The following HNF4A variants were observed in gnomAD, a reference collection of about 807,000 sequenced individuals.
HNF4A encodes the protein hepatocyte nuclear factor 4-alpha.
HNF4A carries 15 observed loss-of-function variants against 52.4 expected under a neutral mutation model. The observed-to-expected ratio is 0.29, with a 90% CI of 0.19 to 0.44. HNF4A has a LOEUF of 0.44. Among genes scored for constraint, HNF4A ranks in the 20% least tolerant of loss-of-function variants. HNF4A has a pLI of 1.00. For synonymous variants in HNF4A, 280 were observed against 264.4 expected (o/e 1.06, Z -0.57); for missense variants, 479 against 647.2 (o/e 0.74, Z 2.82).
intron 3 of HNF4A, among the ~76,000 whole-genome samples, chr20:44,408,838 GTT>G (rs1187544092): frequency 1.3e-5 from 2 of 152,170 alleles, no homozygotes; most frequent in East Asian, 3.9e-4. Flanking sequence ...CTAGCCCACA[GTT>G]GTGCCGTACC....
At chr20:44,390,324 C>T in intron 1 of HNF4A, 2 of 367,130 alleles carry the variant, frequency 5.4e-6, no homozygotes, top group Non-Finnish European at 9.9e-6. Context: ...TCCAAGCCCT[C>T]CAGAGAGACA....
chr20:44,381,183 A>G (rs2063148564), intron 1 of HNF4A, among the ~76,000 whole-genome samples: 1 of 151,816 alleles, frequency 6.6e-6, no homozygotes, highest in African/African-American at 2.4e-5. Context: ...ATTGTATTTT[A>G]TAGAAAGATC....
chr20:44,401,794 C>T (rs1386050715), intron 1 of HNF4A, among the ~76,000 whole-genome samples: 1 of 152,310 alleles, frequency 6.6e-6, no homozygotes, highest in Middle Eastern at 3.4e-3. Flanking sequence ...GGCACAGTGA[C>T]GTGATGGTGA....
At chr20:44,384,095 C>T (rs1023931632) in intron 1 of HNF4A, among the ~76,000 whole-genome samples, 44 of 151,258 alleles carry the variant, frequency 2.9e-4, no homozygotes, top group African/African-American at 1.1e-3. Flanking sequence ...AGGTGATCTT[C>T]CCACCTCGGC....
At chr20:44,378,859 C>T (rs569844110) in intron 1 of HNF4A, among the ~76,000 whole-genome samples, 4 of 149,682 alleles carry the variant, frequency 2.7e-5, no homozygotes, top group African/African-American at 9.8e-5. Context: ...GTGGAGGTTG[C>T]AGTGAGCCGA....
chr20:44,409,095 G>A (rs1484299780), intron 3 of HNF4A, among the ~76,000 whole-genome samples: 2 of 152,078 alleles, frequency 1.3e-5, no homozygotes, highest in African/African-American at 4.8e-5. Context: ...CTGGGCTCAT[G>A]AGCTGTCTTG....
chr20:44,398,057 CT>C (rs1290652127), upstream of HNF4A, among the ~76,000 whole-genome samples: 2 of 152,164 alleles, frequency 1.3e-5, no homozygotes, highest in East Asian at 3.9e-4. Context: ...GAGTTTTTGT[CT>C]GTTATGTGTT....
chr20:44,421,693 G>A (rs1183327926), intron 7 of HNF4A, among the ~76,000 whole-genome samples: 2 of 151,280 alleles, frequency 1.3e-5, no homozygotes, highest in Non-Finnish European at 2.9e-5. Flanking sequence ...GGCGGGGGTT[G>A]CAGTGAGCCA....
intron 1 of HNF4A, among the ~76,000 whole-genome samples, chr20:44,379,323 T>C (rs1283410746): frequency 6.6e-6 from 1 of 152,086 alleles, no homozygotes; most frequent in Non-Finnish European, 1.5e-5. Context: ...GGGAGTACAA[T>C]TGCTAGATCA....
intron 1 of HNF4A, among the ~76,000 whole-genome samples, chr20:44,366,244 GA>G (rs1237909352): frequency 1.3e-5 from 2 of 152,128 alleles, no homozygotes; most frequent in African/African-American, 4.8e-5. Flanking sequence ...TATATTTATG[GA>G]TTTGTGCTTG....
At chr20:44,383,030 G>T (rs1373402260) in intron 1 of HNF4A, among the ~76,000 whole-genome samples, 2 of 152,104 alleles carry the variant, frequency 1.3e-5, no homozygotes, top group East Asian at 1.9e-4. Flanking sequence ...TTAGCCAGGG[G>T]TGGTGGTCCA....
intron 1 of HNF4A, among the ~76,000 whole-genome samples, chr20:44,360,073 A>C (rs1319461684): frequency 1.3e-5 from 2 of 152,150 alleles, no homozygotes; most frequent in African/African-American, 4.8e-5. Flanking sequence ...GAATCTCCTT[A>C]AAGGAAAGGT....
At position 44,419,889 on chromosome 20, in the gene HNF4A, C is replaced by A. The variant is rs369816227; in HGVS notation, c.892+13C>A. On this transcript the variant is annotated intron_variant, in intron 7 of 9. Transcript: ENST00000316099. Reference sequence around the variant, plus strand: ...TTCTTTGACCCAGGTACAGTGCACACCTCCTAAGCCATCCCTGACTCTCTC... The same window carrying A: ...TTCTTTGACCCAGGTACAGTGCACAACTCCTAAGCCATCCCTGACTCTCTC... 10 of 1,613,324 alleles carry A rather than the reference C, an allele frequency of 6.2e-6. No homozygotes were observed. In the African/African-American group the frequency reaches 1.3e-4, roughly 22 times the overall value.
At chr20:44,378,582 G>A (rs1023016371) in intron 1 of HNF4A, among the ~76,000 whole-genome samples, 1 of 151,792 alleles carries the variant, frequency 6.6e-6, no homozygotes, top group Non-Finnish European at 1.5e-5. Context: ...ATTTTTAAAC[G>A]TACAGTTCAG....
At chr20:44,403,949 G>A (rs1193953933) in intron 1 of HNF4A, among the ~76,000 whole-genome samples, 2 of 152,174 alleles carry the variant, frequency 1.3e-5, no homozygotes, top group African/African-American at 2.4e-5. Flanking sequence ...CTCCCCGGGG[G>A]TCGGGGGAGG....
chr20:44,407,583 C>T, intron 3 of HNF4A, 108 bp downstream of exon 3: 1 of 800,066 alleles, frequency 1.2e-6, no homozygotes, highest in South Asian at 1.4e-5. Flanking sequence ...TGGCAGGCCC[C>T]AGGGTGACTG....
At chr20:44,369,099 A>C (rs1211791226) in intron 1 of HNF4A, among the ~76,000 whole-genome samples, 1 of 151,866 alleles carries the variant, frequency 6.6e-6, no homozygotes, top group Non-Finnish European at 1.5e-5. Flanking sequence ...TACCAAAAAA[A>C]TTAGCTGGGC....
At chr20:44,406,520 G>A (rs3212184) in intron 2 of HNF4A, among the ~76,000 whole-genome samples, 6 of 152,068 alleles carry the variant, frequency 3.9e-5, no homozygotes, top group Non-Finnish European at 8.8e-5. Flanking sequence ...GCCCATTGTT[G>A]TTTTTCCCAT....
At chr20:44,408,790 C>T (rs1393373670) in intron 3 of HNF4A, among the ~76,000 whole-genome samples, 3 of 152,138 alleles carry the variant, frequency 2.0e-5, no homozygotes, top group Non-Finnish European at 2.9e-5. Flanking sequence ...CTAAACTCAA[C>T]CTTTCCCAGC....
Sources: gnomAD v4.1 joint callset for allele counts (sites outside exome capture counted in the v4.1 genomes callset) on GRCh38, gnomAD v4.1.1 for gene constraint, MANE v1.5 for transcripts, NCBI Gene and HGNC (gene_info 2026-07-23, HGNC 2026-07-21) for gene names.